Variants in PSMD11 observed in about 807,000 individuals in gnomAD.
PSMD11 encodes the protein proteasome 26S subunit, non-ATPase 11.
Under a neutral mutation model 62.3 loss-of-function variants are expected in PSMD11, and 5 were observed. The observed-to-expected ratio is 0.08, with a 90% CI of 0.04 to 0.17. The LOEUF is 0.17. Ranked by LOEUF, PSMD11 falls within the 10% of genes least tolerant of loss-of-function variation. The pLI is 1.00. For missense variants in PSMD11, 310 were observed against 512.9 expected (o/e 0.60, Z 3.82); for synonymous variants, 191 against 191.8 (o/e 1.00, Z 0.03).
chr17:32,461,451 A>G (rs998951736), intron 3 of PSMD11, among the ~76,000 whole-genome samples: 3 of 151,804 alleles, frequency 2.0e-5, no homozygotes, highest in African/African-American at 4.8e-5. Flanking sequence ...GGCGCCTGCA[A>G]TCCCAGCTAC....
intron 3 of PSMD11, among the ~76,000 whole-genome samples, chr17:32,455,866 G>A (rs756484538): frequency 3.3e-5 from 5 of 152,052 alleles, no homozygotes; most frequent in Admixed American, 6.6e-5. Flanking sequence ...TCATGAGTCC[G>A]GGTGCGGTGG....
Position 32,483,306 on chromosome 17 carries a change from A to G in PSMD11, c.*2554A>G, listed in dbSNP as rs1004328502. ...TTGGGTATTGGGTTAAATAAAATAT[A>G]TTATTAAAATTCACCTGTTTCCCTT... On this transcript the variant is annotated 3_prime_UTR_variant, in exon 14 of 14. Coordinates refer to ENST00000261712, the MANE Select transcript of PSMD11 (RefSeq NM_002815.4). The G allele has an allele frequency of 6.6e-6, 1 of 152,250 alleles. No homozygotes were observed. The highest frequency in any genetic ancestry group is 2.4e-5 in the African/African-American group (1 of 41,458). 9.4% of individuals were successfully genotyped at this position (152,250 alleles called of 1,614,324 possible).
At chr17:32,462,243 C>G (rs1907865490) in intron 3 of PSMD11, among the ~76,000 whole-genome samples, 1 of 152,142 alleles carries the variant, frequency 6.6e-6, no homozygotes. Flanking sequence ...AAAAAACTCC[C>G]TGGGTAAAAC....
rs1290912073 is a variant in PSMD11, at chr17:32,474,792, G to A, written c.817G>A (p.Gly273Arg). Reference protein sequence around the residue: ...TPEDVQALVSGKLALRYAGRQ... With the variant: ...TPEDVQALVSRKLALRYAGRQ... ...AGAAGATGTCCAGGCTTTGGTGAGC[G>A]GGAAGCTTGCACTTCGGTATGCAGG... The change falls in exon 8 of 14, where the codon GGG (glycine) becomes AGG (arginine). Residue 273 changes from glycine to arginine, a missense_variant. This residue lies in a region of PSMD11 where 135 missense variants were observed against 195.4 expected (regional missense o/e 0.69). Transcript: ENST00000261712. 6 of 1,613,910 alleles carry A rather than the reference G, an allele frequency of 3.7e-6. No homozygotes were observed. Among genetic ancestry groups the A allele is most frequent in the African/African-American group, 2.7e-5 (2 of 74,856 alleles).
At chr17:32,462,256 T>G (rs780853318) in intron 3 of PSMD11, among the ~76,000 whole-genome samples, 25 of 152,124 alleles carry the variant, frequency 1.6e-4, no homozygotes, top group African/African-American at 3.9e-4. Flanking sequence ...GGTAAAACTG[T>G]GGGGGGCACT....
At position 32,482,486 on chromosome 17, in the gene PSMD11, G is replaced by A. The variant is rs1908527783; in HGVS notation, c.*1734G>A. On this transcript the variant is annotated 3_prime_UTR_variant, in exon 14 of 14. Coordinates refer to ENST00000261712, the MANE Select transcript of PSMD11 (RefSeq NM_002815.4). ...TCTGGCCAAAGCTGTTATCTCATTT[G>A]TGTAATGGGAGTCCTTAAGGTAAAT... is the stretch of plus-strand genomic sequence containing the variant. 6.6e-6 allele frequency: 1 copy of A among 152,126 alleles called. No individual in the cohort carries two copies. Among genetic ancestry groups the A allele is most frequent in the Admixed American group, 6.6e-5 (1 of 15,264 alleles). The allele number at this position is 152,126 out of a possible 1,614,324, so 9.4% of individuals were successfully genotyped here. A position where few individuals can be genotyped will look rare whatever the true frequency, so the allele number is the denominator to read the frequency against.
rs371603423 is a variant in PSMD11, at chr17:32,468,865, G to GTCTAGAGGTAACCTTTTTTGAGT, written c.449-131_449-109dup. The GTCTAGAGGTAACCTTTTTTGAGT allele has an allele frequency of 1.3e-3, 986 of 763,902 alleles. 5 individuals are homozygous for GTCTAGAGGTAACCTTTTTTGAGT. Among genetic ancestry groups the GTCTAGAGGTAACCTTTTTTGAGT allele is most frequent in the African/African-American group, 0.01 (582 of 55,870 alleles). The allele number at this position is 763,902 out of a possible 1,614,324, so 47.3% of individuals were successfully genotyped here. On this transcript the variant is annotated intron_variant, in intron 5 of 13. Transcript: ENST00000261712. ...GTGGAAAATTTAATTATTGCATGGG[G>GTCTAGAGGTAACCTTTTTTGAGT]TCTAGAGGTAACCTTTTTTGAGTTC...
chr17:32,453,616 T>C (rs990604600), intron 2 of PSMD11, among the ~76,000 whole-genome samples: 1 of 152,142 alleles, frequency 6.6e-6, no homozygotes, highest in Middle Eastern at 3.2e-3. Flanking sequence ...GAATTAGAGT[T>C]CTCAGGAGGG....
At chr17:32,479,118 A>G in intron 9 of PSMD11, 133 bp from the exon 10 acceptor site, 4 of 1,189,690 alleles carry the variant, frequency 3.4e-6, no homozygotes, top group Non-Finnish European at 4.7e-6. Context: ...TGTATCATGC[A>G]TCTCCCCAGA....
intron 5 of PSMD11, among the ~76,000 whole-genome samples, chr17:32,467,308 C>T (rs1199921347): frequency 1.8e-5 from 2 of 112,878 alleles, no homozygotes; most frequent in Non-Finnish European, 3.6e-5. Context: ...TGCGGTGGCA[C>T]GATCTCGGCT....
intron 9 of PSMD11, 59 bp from the exon 10 acceptor site, chr17:32,479,192 A>G: frequency 1.9e-6 from 3 of 1,591,690 alleles, no homozygotes; most frequent in Non-Finnish European, 2.6e-6. Context: ...AGGAAGCAGG[A>G]GTAGCATGAC....
intron 5 of PSMD11, among the ~76,000 whole-genome samples, chr17:32,465,194 C>T (rs958646377): frequency 1.3e-5 from 2 of 151,904 alleles, no homozygotes; most frequent in East Asian, 1.9e-4. Flanking sequence ...GATCTCAGCT[C>T]GCTGCAACCT....
intron 3 of PSMD11, among the ~76,000 whole-genome samples, chr17:32,460,795 T>A (rs926815920): frequency 2.0e-5 from 3 of 151,628 alleles, no homozygotes; most frequent in African/African-American, 7.3e-5. Flanking sequence ...GAGAACCATC[T>A]TCAGCTTGCT....
At chr17:32,464,373 T>A (rs988697954) in intron 4 of PSMD11, 148 bp from the exon 5 acceptor site, 2 of 727,194 alleles carry the variant, frequency 2.8e-6, no homozygotes, top group Non-Finnish European at 4.5e-6. Flanking sequence ...TAGGAGACAA[T>A]ACATTGGCTA....
intron 3 of PSMD11, among the ~76,000 whole-genome samples, chr17:32,461,001 A>G (rs140277400): frequency 5.3e-5 from 8 of 152,246 alleles, no homozygotes; most frequent in Non-Finnish European, 7.4e-5. Context: ...AGTGAACTCA[A>G]CTTTCCTTCC....
chr17:32,477,453 T>C (rs1348848448), intron 8 of PSMD11, 68 bp from the exon 9 acceptor site: 2 of 1,378,494 alleles, frequency 1.5e-6, no homozygotes, highest in Non-Finnish European at 2.0e-6. Flanking sequence ...AGCATACTGC[T>C]TATGAGACTT....
chr17:32,476,857 TG>T (rs1908340020), intron 8 of PSMD11: 1 of 152,296 alleles, frequency 6.6e-6, no homozygotes, highest in Non-Finnish European at 1.5e-5. Context: ...CTCTGCCTCC[TG>T]GGTTCTAGCA....
At chr17:32,477,704 C>T (rs1207793285) in intron 9 of PSMD11, 121 bp downstream of exon 9, 4 of 854,902 alleles carry the variant, frequency 4.7e-6, no homozygotes, top group Middle Eastern at 4.6e-4. Flanking sequence ...TTCCATGTAT[C>T]CTTCACCTAG....
rs774173214 is a variant in PSMD11, at chr17:32,477,536, T to C, written c.865T>C (p.Cys289Arg). 20 of 1,607,352 alleles carry C rather than the reference T, an allele frequency of 1.2e-5. No individual in the cohort carries two copies. Among genetic ancestry groups the C allele is most frequent in the Non-Finnish European group, 1.6e-5 (19 of 1,177,266 alleles). The change falls in exon 9 of 14, where the codon TGC (cysteine) becomes CGC (arginine). Residue 289 changes from cysteine to arginine, a missense_variant. Cys to Arg is a radical substitution (Grantham distance 180, BLOSUM62 -3). Transcript: ENST00000261712. Reference protein sequence around the residue: ...YAGRQTEALKCVAQASKNRSL... With the variant: ...YAGRQTEALKRVAQASKNRSL... ...TTATTCTCAGACAGAAGCATTAAAA[T>C]GCGTGGCTCAGGCTAGCAAGAACAG...
Sources: allele counts gnomAD v4.1 joint callset (sites outside exome capture counted in the v4.1 genomes callset), GRCh38; gene constraint gnomAD v4.1.1; regional missense constraint gnomAD v4.1.1; transcripts MANE v1.5; gene names NCBI Gene and HGNC (gene_info 2026-07-23, HGNC 2026-07-21).